The following CCDC28B variants were observed in gnomAD, a reference collection of about 807,000 sequenced individuals.
CCDC28B encodes coiled-coil domain-containing protein 28B.
Under a neutral mutation model 18.7 loss-of-function variants are expected in CCDC28B, and 17 were observed. The observed-to-expected ratio is 0.91, with a 90% CI of 0.62 to 1.36. The LOEUF (loss-of-function observed/expected upper bound fraction) is 1.36, where lower values mean the gene tolerates loss of function less well. Ranked by LOEUF, CCDC28B falls within the 40% of genes most tolerant of loss-of-function variation. CCDC28B has a pLI of 0.00. For synonymous variants in CCDC28B, 116 were observed against 105.1 expected, an observed-to-expected ratio of 1.10 and a Z score of -0.64; for missense variants, 213 against 251.7, an observed-to-expected ratio of 0.85 and a Z score of 1.04.
chr1:32,203,818 AG>A (rs1324640393), intron 2 of CCDC28B, 60 bp from the exon 3 acceptor site: 1 of 1,363,720 alleles, frequency 7.3e-7, no homozygotes, highest in East Asian at 2.5e-5. Flanking sequence ...ATGGCACAAA[AG>A]ATCGGGAGGT....
At chr1:32,202,424 G>A (rs1170057648) in intron 2 of CCDC28B, 1 of 466,482 alleles carries the variant, frequency 2.1e-6, no homozygotes, top group Non-Finnish European at 4.2e-6. Flanking sequence ...AAAGGTTTCA[G>A]GAACCACAGG....
chr1:32,199,409 G>C (rs1351795281), upstream of CCDC28B, among the ~76,000 whole-genome samples: 1 of 152,066 alleles, frequency 6.6e-6, no homozygotes, highest in Non-Finnish European at 1.5e-5. Context: ...TCCAAGCAAA[G>C]CAGCTCTGAG....
At chr1:32,201,263 G>A (rs74064060) in intron 1 of CCDC28B, among the ~76,000 whole-genome samples, 3,224 of 151,482 alleles carry the variant, frequency 0.021, 107 homozygotes, top group African/African-American at 0.073. Flanking sequence ...CTTTCCGACT[G>A]GGAAAAATGA....
intron 4 of CCDC28B, 80 bp downstream of exon 4, chr1:32,204,459 C>T: frequency 2.0e-6 from 3 of 1,515,450 alleles, no homozygotes; most frequent in Non-Finnish European, 2.7e-6. Context: ...CATTCCTGGG[C>T]CCTGGGTGAA....
chr1:32,200,079 C>T (rs1025805338), upstream of CCDC28B, among the ~76,000 whole-genome samples: 19 of 152,162 alleles, frequency 1.2e-4, no homozygotes, highest in African/African-American at 4.1e-4. Flanking sequence ...AAAATACAGC[C>T]CCCACCACTT....
In CCDC28B at chr1:32,205,373, C is replaced by A. The variant is rs550012650; in HGVS notation, c.*125C>A. 126 of 1,051,378 alleles carry A rather than the reference C, an allele frequency of 1.2e-4. 4 individuals carry two copies. The South Asian group carries it at 2.0e-3, about 16-fold the overall frequency. 65.1% of individuals were successfully genotyped at this position (1,051,378 alleles called of 1,614,324 possible). A position where few individuals can be genotyped will look rare whatever the true frequency, so the allele number is the denominator to read the frequency against. ...GAGGGGGGCGTTGAATGGAATTAAA[C>A]CAGAAAGAAAGCAAGCGGCTCCGTG... is the stretch of plus-strand genomic sequence containing the variant. On this transcript the variant is annotated 3_prime_UTR_variant, in exon 6 of 6. Transcript: ENST00000373602. The surrounding 1 kb of genome is among the most constrained non-coding windows in gnomAD (Gnocchi z 5.6).
Position 32,205,246 on chromosome 1 carries a change from T to A in CCDC28B, c.601T>A (p.Ter201LysextTer41), listed in dbSNP as rs1228074483. ...CGAGCCTGAGGAGCAGTCCGCTGCG[T>A]AGGCGTCCCACGCAGGCCCACACTG... ...NAEPEEQSAA[*>K] The change falls in exon 6 of 6, where the codon TAG becomes AAG. Residue 201 changes from the stop codon to lysine (K), a stop_lost. Coordinates refer to ENST00000373602, the MANE Select transcript of CCDC28B (RefSeq NM_024296.5). The surrounding 1 kb of genome is among the most constrained non-coding windows in gnomAD (Gnocchi z 5.6). 5 of 1,613,068 alleles carry A rather than the reference T, an allele frequency of 3.1e-6. No individual in the cohort carries two copies. The highest frequency in any genetic ancestry group is 4.2e-6 in the Non-Finnish European group (5 of 1,179,380).
upstream of CCDC28B, chr1:32,196,986 T>G (rs1409165452): frequency 6.6e-6 from 1 of 152,260 alleles, no homozygotes; most frequent in African/African-American, 2.4e-5. Flanking sequence ...AGCAGCTGTG[T>G]GAGTGTTGAG....
At chr1:32,197,727 A>G (rs1421840447), upstream of CCDC28B, 2 of 152,202 alleles carry the variant, frequency 1.3e-5, no homozygotes, top group Non-Finnish European at 2.9e-5. The surrounding 1 kb of genome is among the most constrained non-coding windows in gnomAD (Gnocchi z 4.6). Context: ...TCAAGAGCGC[A>G]TGGCTCTGCT....
At chr1:32,200,103 G>A (rs1557514208), upstream of CCDC28B, among the ~76,000 whole-genome samples, 1 of 151,630 alleles carries the variant, frequency 6.6e-6, no homozygotes, top group African/African-American at 2.4e-5. Context: ...AGAGAAAACT[G>A]TCTGGCATTG....
At position 32,205,143 on chromosome 1, in the gene CCDC28B, G is replaced by A. The variant is rs1315684125; in HGVS notation, c.549-51G>A. 1.2e-6 allele frequency: 2 copies of A among 1,604,628 alleles called. No individual in the cohort carries two copies. The highest frequency in any genetic ancestry group is 1.3e-5 in the African/African-American group (1 of 74,698). ...CTAAACCTGTGCAAGATGGGAGACC[G>A]GGGTGGGAGGAAGGACTGGTCCAAA... On this transcript the variant is annotated intron_variant, in intron 5 of 5. Coordinates refer to ENST00000373602, the MANE Select transcript of CCDC28B (RefSeq NM_024296.5). The surrounding 1 kb of genome is among the most constrained non-coding windows in gnomAD (Gnocchi z 5.6).
chr1:32,202,156 A>C (rs1423000977), intron 2 of CCDC28B, 57 bp downstream of exon 2: 12 of 1,608,024 alleles, frequency 7.5e-6, no homozygotes, highest in Non-Finnish European at 1.0e-5. Flanking sequence ...TGCACTGTAG[A>C]GAGGAAGGCA....
upstream of CCDC28B, chr1:32,200,426 G>C (rs1437096130): frequency 1.3e-5 from 2 of 152,114 alleles, no homozygotes; most frequent in Admixed American, 6.6e-5. Flanking sequence ...GCTTCTCTCT[G>C]AAACTGCCGG....
rs766616523 is a variant in CCDC28B at position 32,204,321 on chromosome 1, T to C, written c.467T>C (p.Leu156Pro). The change falls in exon 4 of 6, where the codon CTG becomes CCG. Residue 156 changes from leucine (L) to proline (P), a missense_variant. Transcript: ENST00000373602. ...GAAGAGGATGGGGTCACTGAGGGGCTGCCAGAGGAGCAGAAGAAGACAATG... is the reference window on the plus strand; with the variant it reads ...GAAGAGGATGGGGTCACTGAGGGGCCGCCAGAGGAGCAGAAGAAGACAATG... Reference protein sequence around the residue: ...EEEEDGVTEGLPEEQKKTMAD... With the variant: ...EEEEDGVTEGPPEEQKKTMAD... 2 of 1,610,208 alleles carry C rather than the reference T, an allele frequency of 1.2e-6. No homozygotes were observed. The highest frequency in any genetic ancestry group is 1.3e-5 in the African/African-American group (1 of 74,744).
upstream of CCDC28B, among the ~76,000 whole-genome samples, chr1:32,199,592 CTT>C (rs1643103917): frequency 6.6e-6 from 1 of 152,174 alleles, no homozygotes; most frequent in South Asian, 2.1e-4. Context: ...CGGAATTACT[CTT>C]TACCCTTGTG....
intron 1 of CCDC28B, chr1:32,201,675 T>G: frequency 3.0e-6 from 1 of 329,738 alleles, no homozygotes; most frequent in Non-Finnish European, 5.5e-6. Context: ...GTCCCACCCT[T>G]TCAGGAGGGG....
upstream of CCDC28B, chr1:32,197,585 A>T (rs1349138642): frequency 2.0e-5 from 3 of 152,262 alleles, no homozygotes; most frequent in Admixed American, 2.0e-4. This position sits in a 1 kb window ranked among gnomAD's most constrained non-coding sequence, Gnocchi z 4.6. Context: ...GGAGGTGCCT[A>T]TCCATGAGTG....
chr1:32,201,365 T>A (rs924781236), intron 1 of CCDC28B, among the ~76,000 whole-genome samples: 2 of 152,130 alleles, frequency 1.3e-5, no homozygotes, highest in Non-Finnish European at 2.9e-5. Flanking sequence ...GGTGTCTATG[T>A]GGGGGAAACC....
chr1:32,199,715 T>C (rs567191240), upstream of CCDC28B, among the ~76,000 whole-genome samples: 33 of 152,280 alleles, frequency 2.2e-4, no homozygotes, highest in African/African-American at 7.9e-4. Flanking sequence ...AGGAAGCCAC[T>C]CCTGCCCGGG....
Sources: gnomAD v4.1 joint callset for allele counts (sites outside exome capture counted in the v4.1 genomes callset) on GRCh38, gnomAD v4.1.1 for gene constraint, Gnocchi (gnomAD v3.1) non-coding constraint, MANE v1.5 for transcripts, NCBI Gene and HGNC (gene_info 2026-07-23, HGNC 2026-07-21) for gene names.